FBXO36: variants seen among roughly 807,000 people sequenced by gnomAD.
The protein encoded by FBXO36 is F-box only protein 36.
In FBXO36, 18 loss-of-function variants were observed where a neutral mutation model predicts 17.0. That is an observed-to-expected ratio of 1.06 (90% confidence interval 0.73 to 1.57). FBXO36 has a LOEUF of 1.57. Among genes scored for constraint, FBXO36 ranks in the 40% most tolerant of loss-of-function variants. The probability of loss-of-function intolerance (pLI) is 0.00; values close to 1 mark genes in which losing one functional copy is unlikely to be tolerated. For missense variants in FBXO36, 229 were observed against 221.9 expected (o/e 1.03, Z -0.20); for synonymous variants, 83 against 85.3 (o/e 0.97, Z 0.15).
At chr2:229,939,780 A>C (rs1266008009) in intron 1 of FBXO36, among the ~76,000 whole-genome samples, 1 of 152,012 alleles carries the variant, frequency 6.6e-6, no homozygotes, top group East Asian at 1.9e-4. Flanking sequence ...GCTCCTCGAG[A>C]CCCTATAGGA....
intron 1 of FBXO36, chr2:229,932,667 G>T (rs2076944762): frequency 6.5e-6 from 1 of 154,926 alleles, no homozygotes; most frequent in Non-Finnish European, 1.4e-5. Flanking sequence ...AACACAGCAA[G>T]GCTCCGTCTC....
intron 1 of FBXO36, among the ~76,000 whole-genome samples, chr2:229,954,748 C>T (rs1351752509): frequency 4.0e-5 from 6 of 149,614 alleles, no homozygotes; most frequent in Non-Finnish European, 5.9e-5. Context: ...GGGGTTTCAC[C>T]GTGTTAGCCA....
chr2:229,983,140 C>A (rs7577278), intron 2 of FBXO36, among the ~76,000 whole-genome samples: 65,774 of 151,738 alleles, frequency 0.43, 14,394 homozygotes, highest in African/African-American at 0.46. Flanking sequence ...CTTTGGGAAG[C>A]CAAGGTGGGT....
At chr2:229,994,026 A>G (rs956662416) in intron 2 of FBXO36, among the ~76,000 whole-genome samples, 1 of 151,394 alleles carries the variant, frequency 6.6e-6, no homozygotes, top group Non-Finnish European at 1.5e-5. Flanking sequence ...CCCTCCTCAG[A>G]CTCCCAAAGT....
At chr2:229,934,218 G>A (rs1253038533) in intron 1 of FBXO36, among the ~76,000 whole-genome samples, 4 of 151,744 alleles carry the variant, frequency 2.6e-5, no homozygotes, top group African/African-American at 7.3e-5. Flanking sequence ...TGGCTAACAC[G>A]GTGAAACCCC....
chr2:229,980,160 G>A (rs1249207994), intron 2 of FBXO36, among the ~76,000 whole-genome samples: 1 of 151,944 alleles, frequency 6.6e-6, no homozygotes, highest in Admixed American at 6.6e-5. Context: ...CAGTTCTCAT[G>A]CCACAGAGCC....
At chr2:229,949,435 A>C (rs1478488257) in intron 1 of FBXO36, among the ~76,000 whole-genome samples, 1 of 152,126 alleles carries the variant, frequency 6.6e-6, no homozygotes, top group Non-Finnish European at 1.5e-5. Flanking sequence ...AAAAATAATG[A>C]TGCTATATTT....
At chr2:229,989,545 C>A (rs2077287611) in intron 2 of FBXO36, among the ~76,000 whole-genome samples, 1 of 152,070 alleles carries the variant, frequency 6.6e-6, no homozygotes, top group Non-Finnish European at 1.5e-5. Context: ...GCGTGAGCCA[C>A]CACGCCCGGC....
At chr2:229,973,663 G>A (rs1156481356) in intron 1 of FBXO36, among the ~76,000 whole-genome samples, 1 of 150,496 alleles carries the variant, frequency 6.6e-6, no homozygotes, top group Non-Finnish European at 1.5e-5. Flanking sequence ...GGAGGGTGCA[G>A]TGAGCTGAGA....
intron 1 of FBXO36, among the ~76,000 whole-genome samples, chr2:229,949,708 G>A (rs769673001): frequency 2.6e-5 from 4 of 152,068 alleles, no homozygotes; most frequent in East Asian, 3.9e-4. Context: ...GGCGGATCAC[G>A]AGGTCAGGAG....
chr2:229,953,695 AT>A (rs962376665), intron 1 of FBXO36, among the ~76,000 whole-genome samples: 191 of 149,870 alleles, frequency 1.3e-3, no homozygotes, highest in South Asian at 2.5e-3. Context: ...ATAAAAAAAG[AT>A]TTTTTTTTTC....
At chr2:229,969,545 G>A (rs982606958) in intron 1 of FBXO36, among the ~76,000 whole-genome samples, 2 of 152,016 alleles carry the variant, frequency 1.3e-5, no homozygotes, top group African/African-American at 4.8e-5. Flanking sequence ...AAAATTAGCC[G>A]GGCGTGGTGG....
intron 3 of FBXO36, among the ~76,000 whole-genome samples, chr2:229,997,577 CAA>C (rs34921072): frequency 5.0e-4 from 47 of 94,360 alleles, no homozygotes; most frequent in Admixed American, 4.7e-4. Context: ...GACTCTGACT[CAA>C]AAAAAAAAAA....
At chr2:229,924,807 C>T (rs1054164982) in intron 1 of FBXO36, among the ~76,000 whole-genome samples, 2 of 151,622 alleles carry the variant, frequency 1.3e-5, no homozygotes, top group African/African-American at 4.9e-5. Context: ...CTCGCACTGT[C>T]GCCCAGGCTG....
intron 1 of FBXO36, among the ~76,000 whole-genome samples, chr2:229,955,909 T>C (rs943345910): frequency 6.6e-6 from 1 of 152,140 alleles, no homozygotes; most frequent in Non-Finnish European, 1.5e-5. Flanking sequence ...TGGATTCAGG[T>C]CCCACTGAGC....
At chr2:229,969,927 G>C (rs1221181925) in intron 1 of FBXO36, among the ~76,000 whole-genome samples, 1 of 152,114 alleles carries the variant, frequency 6.6e-6, no homozygotes, top group African/African-American at 2.4e-5. Flanking sequence ...ATAAATGCAT[G>C]AAAAGATATT....
chr2:230,010,506 G>A (rs1285270627), intron 3 of FBXO36, among the ~76,000 whole-genome samples, 190 bp from the exon 4 acceptor site: 3 of 152,114 alleles, frequency 2.0e-5, no homozygotes, highest in Non-Finnish European at 4.4e-5. Context: ...TGTGCAGAAG[G>A]GTATGTCCTT....
chr2:229,983,270 G>C (rs1379544234), intron 2 of FBXO36, among the ~76,000 whole-genome samples: 1 of 151,998 alleles, frequency 6.6e-6, no homozygotes, highest in Non-Finnish European at 1.5e-5. Context: ...AGCTACTCGG[G>C]AGGCTGAGGC....
intron 1 of FBXO36, among the ~76,000 whole-genome samples, chr2:229,944,204 C>T (rs2106166264): frequency 6.6e-6 from 1 of 152,256 alleles, no homozygotes; most frequent in South Asian, 2.1e-4. Context: ...GCTAATACAC[C>T]ACCCTTCTCA....
Sources: allele counts gnomAD v4.1 joint callset (sites outside exome capture counted in the v4.1 genomes callset), GRCh38; gene constraint gnomAD v4.1.1; transcripts MANE v1.5; gene names NCBI Gene and HGNC (gene_info 2026-07-23, HGNC 2026-07-21).